ZFYVE28: variants seen among roughly 807,000 people sequenced by gnomAD.
ZFYVE28 encodes the protein lateral signaling target protein 2 homolog.
In ZFYVE28, 40 loss-of-function variants were observed where a neutral mutation model predicts 82.1. The observed-to-expected ratio is 0.49, with a 90% CI of 0.38 to 0.63. The LOEUF is 0.63. Among genes scored for constraint, ZFYVE28 ranks in the 30% least tolerant of loss-of-function variants. The probability of loss-of-function intolerance (pLI) is 0.00; values close to 1 mark genes in which losing one functional copy is unlikely to be tolerated. For missense variants in ZFYVE28, 1,321 were observed against 1,242.1 expected (o/e 1.06, Z -0.96); for synonymous variants, 612 against 546.1 (o/e 1.12, Z -1.68).
intron 1 of ZFYVE28, among the ~76,000 whole-genome samples, chr4:2,355,664 G>T (rs545384473): frequency 1.2e-4 from 18 of 152,036 alleles, no homozygotes; most frequent in African/African-American, 4.1e-4. Context: ...TGCAACCTCC[G>T]CCTCCTGGGC....
intron 1 of ZFYVE28, among the ~76,000 whole-genome samples, chr4:2,385,078 C>T (rs1466403110): frequency 6.6e-6 from 1 of 152,204 alleles, no homozygotes; most frequent in Non-Finnish European, 1.5e-5. Flanking sequence ...GCCTGACCTG[C>T]CCAGGACTGG....
intron 1 of ZFYVE28, among the ~76,000 whole-genome samples, chr4:2,365,396 G>T (rs1344490283): frequency 6.6e-6 from 1 of 152,068 alleles, no homozygotes; most frequent in Non-Finnish European, 1.5e-5. Context: ...ACGCAGCAGG[G>T]GCCTCTCAGT....
At chr4:2,307,577 A>T (rs3118623) in intron 7 of ZFYVE28, among the ~76,000 whole-genome samples, 2 of 152,170 alleles carry the variant, frequency 1.3e-5, no homozygotes, top group African/African-American at 4.8e-5. Context: ...CAAACTCCTC[A>T]GCTCAAATTA....
At chr4:2,382,419 C>T (rs1728820901) in intron 1 of ZFYVE28, among the ~76,000 whole-genome samples, 1 of 152,172 alleles carries the variant, frequency 6.6e-6, no homozygotes, top group African/African-American at 2.4e-5. Flanking sequence ...GTGGAGCTGC[C>T]CAAGACGATG....
chr4:2,368,460 T>C (rs1296867033), intron 1 of ZFYVE28, among the ~76,000 whole-genome samples: 3 of 152,108 alleles, frequency 2.0e-5, no homozygotes, highest in Non-Finnish European at 4.4e-5. Flanking sequence ...CATCACATGA[T>C]CTAGTTCCAG....
At chr4:2,388,790 G>T (rs1348361176) in intron 1 of ZFYVE28, among the ~76,000 whole-genome samples, 2 of 152,218 alleles carry the variant, frequency 1.3e-5, no homozygotes, top group Non-Finnish European at 2.9e-5. Context: ...GAGGCAATGA[G>T]GATGGGAGGG....
chr4:2,385,833 G>C (rs1729201096), intron 1 of ZFYVE28, among the ~76,000 whole-genome samples: 1 of 152,214 alleles, frequency 6.6e-6, no homozygotes, highest in African/African-American at 2.4e-5. Flanking sequence ...AAGAGCCGCA[G>C]ACAGGCGCCC....
chr4:2,283,541 T>C (rs930050271), intron 8 of ZFYVE28, among the ~76,000 whole-genome samples: 1 of 148,316 alleles, frequency 6.7e-6, no homozygotes, highest in Admixed American at 6.7e-5. Context: ...AGTCCATCCA[T>C]CCATCCATCC....
At chr4:2,323,983 TTTCTC>T (rs1216728525) in intron 6 of ZFYVE28, among the ~76,000 whole-genome samples, 1 of 152,182 alleles carries the variant, frequency 6.6e-6, no homozygotes, top group Non-Finnish European at 1.5e-5. Flanking sequence ...TGAAGTCCAG[TTTCTC>T]TTTTTATCTT....
At position 2,304,651 on chromosome 4, in the gene ZFYVE28, G is replaced by A; in HGVS notation, c.1689C>T (p.Ser563=). The A allele has an allele frequency of 1.2e-6, 2 of 1,612,646 alleles. No homozygotes were observed. Among genetic ancestry groups the A allele is most frequent in the African/African-American group, 2.7e-5 (2 of 75,070 alleles). ...STGATNCLLH[S]CVCCGSCGDS... ...CCCCGCAGCTCCCACAGCACACGCA[G>A]GAATGCAGAAGGCAGTTGGTGGCCC... Residue 563 remains serine, a synonymous_variant, in exon 8 of 13, where the codon TCC becomes TCT. Coordinates refer to ENST00000290974, the MANE Select transcript of ZFYVE28 (RefSeq NM_020972.3).
At chr4:2,345,843 A>AT (rs900687584) in intron 2 of ZFYVE28, among the ~76,000 whole-genome samples, 2 of 152,106 alleles carry the variant, frequency 1.3e-5, no homozygotes, top group African/African-American at 4.8e-5. Context: ...ATGGCATTAG[A>AT]TTTTTCATCC....
intron 6 of ZFYVE28, among the ~76,000 whole-genome samples, chr4:2,333,739 C>G (rs1386133338): frequency 6.6e-6 from 1 of 152,200 alleles, no homozygotes; most frequent in African/African-American, 2.4e-5. Flanking sequence ...AAGGAGACAC[C>G]TGTACCTGAG....
intron 7 of ZFYVE28, among the ~76,000 whole-genome samples, chr4:2,311,520 T>C (rs1005234332): frequency 1.4e-4 from 22 of 152,310 alleles, no homozygotes; most frequent in Admixed American, 2.6e-4. Context: ...AGCTAGACTC[T>C]GCCTCAAACA....
chr4:2,418,243 G>A lies in ZFYVE28; in HGVS notation c.39+42C>T. On this transcript the variant is annotated intron_variant, in intron 1 of 12. Transcript: ENST00000290974. This position sits in a 1 kb window ranked among gnomAD's most constrained non-coding sequence, Gnocchi z 4.6. ...ACGGGCGGTCCTGGGGAAGGGAGAGGCCGCGACGCGGGGGGCGTCCGGCCC... is the reference window on the plus strand; with the variant it reads ...ACGGGCGGTCCTGGGGAAGGGAGAGACCGCGACGCGGGGGGCGTCCGGCCC... The A allele has an allele frequency of 6.5e-7, 1 of 1,527,504 alleles. No homozygotes were observed. Among genetic ancestry groups the A allele is most frequent in the East Asian group, 2.6e-5 (1 of 38,376 alleles). 94.6% of individuals were successfully genotyped at this position (1,527,504 alleles called of 1,614,324 possible).
intron 1 of ZFYVE28, among the ~76,000 whole-genome samples, chr4:2,380,885 C>T (rs1204598219): frequency 2.0e-5 from 3 of 152,192 alleles, no homozygotes; most frequent in Admixed American, 1.3e-4. Context: ...ATCCCAGTCT[C>T]AGGTATGTCT....
intron 8 of ZFYVE28, among the ~76,000 whole-genome samples, chr4:2,290,428 A>T (rs1290565152): frequency 1.3e-5 from 2 of 152,306 alleles, no homozygotes; most frequent in Admixed American, 1.3e-4. Flanking sequence ...GCCAGTCGTC[A>T]TGGTGACCCC....
chr4:2,325,781 T>A (rs1225570120), intron 6 of ZFYVE28, among the ~76,000 whole-genome samples: 15 of 152,062 alleles, frequency 9.9e-5, no homozygotes, highest in Admixed American at 9.8e-4. Context: ...GCTGTTGGGA[T>A]GAGGTTTCAC....
Position 2,304,916 on chromosome 4 carries a change from C to G in ZFYVE28, c.1424G>C (p.Gly475Ala), listed in dbSNP as rs780016186. ...AEGTDGASLAGTSSCSCLDSR... is the reference protein window; with the variant it reads ...AEGTDGASLAATSSCSCLDSR... ...GTCCAGGCAGCTGCAGGAGCTGGTG[C>G]CCGCGAGGCTGGCCCCATCTGTGCC... Residue 475 changes from glycine to alanine, a missense_variant, in exon 8 of 13, where the codon GGC (glycine) becomes GCC (alanine). Transcript: ENST00000290974. 6.2e-7 allele frequency: 1 copy of G among 1,612,712 alleles called. No individual in the cohort carries two copies. Among genetic ancestry groups the G allele is most frequent in the Non-Finnish European group, 8.5e-7 (1 of 1,179,876 alleles).
At position 2,297,616 on chromosome 4, in the gene ZFYVE28, A is replaced by T. The variant is rs1577955154; in HGVS notation, c.2051+6673T>A. 3.3e-5 allele frequency among the ~76,000 whole-genome samples: 5 copies of T among 152,386 alleles called. No individual in the cohort carries two copies. The South Asian group carries it at 1.0e-3, about 32-fold the overall frequency. ...AAATCCAGAGGCAAAGCCAAGACTG[A>T]TCATGGCAAAGATGGCCAGGAACAG... On this transcript the variant is annotated intron_variant, in intron 8 of 12. Transcript: ENST00000290974.
Sources: allele counts gnomAD v4.1 joint callset (sites outside exome capture counted in the v4.1 genomes callset), GRCh38; gene constraint gnomAD v4.1.1; non-coding constraint Gnocchi (gnomAD v3.1); transcripts MANE v1.5; gene names NCBI Gene and HGNC (gene_info 2026-07-23, HGNC 2026-07-21).